RTN4RL1: variants seen among roughly 807,000 people sequenced by gnomAD.
RTN4RL1 encodes the protein reticulon-4 receptor-like 1.
Under a neutral mutation model 25.6 loss-of-function variants are expected in RTN4RL1, and 7 were observed. The ratio of observed to expected loss-of-function variants is 0.27; its 90% CI spans 0.16 to 0.51. RTN4RL1 has a LOEUF of 0.51. Among genes scored for constraint, RTN4RL1 ranks in the 20% least tolerant of loss-of-function variants. RTN4RL1 has a pLI of 0.97. For synonymous variants in RTN4RL1, 297 were observed against 288.2 expected, an observed-to-expected ratio of 1.03 and a Z score of -0.31; for missense variants, 500 against 615.6, an observed-to-expected ratio of 0.81 and a Z score of 1.99.
intron 1 of RTN4RL1, among the ~76,000 whole-genome samples, chr17:1,959,790 C>T (rs1341330949): frequency 6.6e-6 from 1 of 152,154 alleles, no homozygotes; most frequent in Non-Finnish European, 1.5e-5. Flanking sequence ...GTTTCGAACT[C>T]CTGACCTCGT....
intron 1 of RTN4RL1, among the ~76,000 whole-genome samples, chr17:1,968,243 A>G (rs1318603999): frequency 1.3e-5 from 2 of 151,860 alleles, no homozygotes; most frequent in African/African-American, 2.4e-5. Flanking sequence ...GCATTCCCCA[A>G]ATGAAAAGCA....
Position 1,935,970 on chromosome 17 carries a change from G to A in RTN4RL1, c.*526C>T, listed in dbSNP as rs564561012. ...TACCCCCGAGGGAGGGGCTGAAGGT[G>A]GAGTAGGATAGAATTCAGGGCAGGG... is the stretch of plus-strand genomic sequence containing the variant. On this transcript the variant is annotated 3_prime_UTR_variant, in exon 2 of 2. Coordinates refer to ENST00000331238, the MANE Select transcript of RTN4RL1 (RefSeq NM_178568.4). 4.4e-5 allele frequency: 43 copies of A among 985,972 alleles called. No homozygotes were observed. The African/African-American group carries it at 6.6e-4, about 15-fold the overall frequency. 61.1% of individuals were successfully genotyped at this position (985,972 alleles called of 1,614,324 possible).
intron 1 of RTN4RL1, among the ~76,000 whole-genome samples, chr17:1,941,411 C>T (rs1267973530): frequency 6.6e-6 from 1 of 152,136 alleles, no homozygotes; most frequent in African/African-American, 2.4e-5. Context: ...AGGGCAGGAA[C>T]CCTCCTGCCC....
intron 1 of RTN4RL1, among the ~76,000 whole-genome samples, chr17:2,012,582 C>T (rs996515109): frequency 2.6e-5 from 4 of 151,510 alleles, no homozygotes; most frequent in Non-Finnish European, 4.4e-5. Context: ...TTCTCTTTTT[C>T]TCCTTCTCTC....
chr17:1,958,371 C>T (rs1464762047), intron 1 of RTN4RL1, among the ~76,000 whole-genome samples: 4 of 152,338 alleles, frequency 2.6e-5, no homozygotes, highest in Admixed American at 1.3e-4. Flanking sequence ...CCAGGCACCC[C>T]GTCCCCACCT....
intron 1 of RTN4RL1, among the ~76,000 whole-genome samples, chr17:1,983,051 C>CT (rs574037990): frequency 9.3e-4 from 137 of 147,048 alleles, no homozygotes; most frequent in Admixed American, 8.8e-4. Flanking sequence ...TCTTCTTCTT[C>CT]TTTTTTTTTT....
chr17:1,944,202 C>T (rs1025188799), intron 1 of RTN4RL1, among the ~76,000 whole-genome samples: 3 of 152,088 alleles, frequency 2.0e-5, no homozygotes, highest in African/African-American at 7.2e-5. Context: ...CTACCTCGCC[C>T]AGCCCTGGAT....
At position 2,009,445 on chromosome 17, in the gene RTN4RL1, A is replaced by G. The variant is rs972945573; in HGVS notation, c.13+15408T>C. Among the ~76,000 whole-genome samples, 4 of 78,188 alleles carry G rather than the reference A, an allele frequency of 5.1e-5. No homozygotes were observed. The Admixed American group carries it at 6.0e-4, about 12-fold the overall frequency. 51.3% of individuals were successfully genotyped at this position (78,188 alleles called of 152,430 possible). A position where few individuals can be genotyped will look rare whatever the true frequency, so the allele number is the denominator to read the frequency against. On this transcript the variant is annotated intron_variant, in intron 1 of 1. Coordinates refer to ENST00000331238, the MANE Select transcript of RTN4RL1 (RefSeq NM_178568.4). Reference sequence around the variant, plus strand: ...CATCTCTACTAAAAACACAAAAATTAGCTGGGCGTGGTGGTGTGTGCCTGT... The same window carrying G: ...CATCTCTACTAAAAACACAAAAATTGGCTGGGCGTGGTGGTGTGTGCCTGT...
intron 1 of RTN4RL1, among the ~76,000 whole-genome samples, chr17:1,957,232 C>T (rs1319499994): frequency 6.6e-6 from 1 of 152,152 alleles, no homozygotes; most frequent in Non-Finnish European, 1.5e-5. Flanking sequence ...CCTTTCAGAA[C>T]ATTCAGCTCC....
chr17:1,948,617 G>A (rs188200602), intron 1 of RTN4RL1, among the ~76,000 whole-genome samples: 20 of 152,158 alleles, frequency 1.3e-4, no homozygotes, highest in Admixed American at 3.3e-4. Flanking sequence ...GTGGACGGGC[G>A]GACGGGCGGA....
chr17:2,000,854 C>A (rs2066953849), intron 1 of RTN4RL1, among the ~76,000 whole-genome samples: 2 of 151,882 alleles, frequency 1.3e-5, no homozygotes, highest in African/African-American at 2.4e-5. Context: ...GTCCAGCAGC[C>A]TTGGGCAAGG....
intron 1 of RTN4RL1, among the ~76,000 whole-genome samples, chr17:1,963,775 G>A (rs931652039): frequency 1.3e-5 from 2 of 151,832 alleles, no homozygotes; most frequent in African/African-American, 2.4e-5. Flanking sequence ...CTTGTTGCCC[G>A]GGCTGGAGTG....
At chr17:2,005,828 G>A (rs1488824427) in intron 1 of RTN4RL1, among the ~76,000 whole-genome samples, 5 of 136,216 alleles carry the variant, frequency 3.7e-5, no homozygotes, top group African/African-American at 1.4e-4. Context: ...ACAGAGTCTC[G>A]CCGTGTCGCC....
intron 1 of RTN4RL1, among the ~76,000 whole-genome samples, chr17:1,961,541 A>C (rs1002007665): frequency 1.3e-4 from 19 of 151,934 alleles, no homozygotes; most frequent in Non-Finnish European, 2.9e-5. Context: ...AGGGACTGAG[A>C]GGAAAGAAAG....
At chr17:1,960,281 A>G (rs1342271635) in intron 1 of RTN4RL1, among the ~76,000 whole-genome samples, 4 of 128,910 alleles carry the variant, frequency 3.1e-5, no homozygotes, top group African/African-American at 1.2e-4. Flanking sequence ...TTGCAGCCCC[A>G]TCACCACCCA....
intron 1 of RTN4RL1, among the ~76,000 whole-genome samples, chr17:1,997,433 C>T (rs748147798): frequency 6.6e-6 from 1 of 152,222 alleles, no homozygotes; most frequent in Non-Finnish European, 1.5e-5. Context: ...AGTCCAACCA[C>T]GATCTGAAAT....
intron 1 of RTN4RL1, among the ~76,000 whole-genome samples, chr17:2,023,877 A>C (rs1429171087): frequency 6.6e-6 from 1 of 152,088 alleles, no homozygotes; most frequent in African/African-American, 2.4e-5. Flanking sequence ...GGGCCGGGGC[A>C]GCCAGCCGCA....
chr17:1,988,124 A>G lies in RTN4RL1; in HGVS notation c.13+36729T>C, dbSNP rs549905622. On this transcript the variant is annotated intron_variant, in intron 1 of 1. Coordinates refer to ENST00000331238, the MANE Select transcript of RTN4RL1 (RefSeq NM_178568.4). ...TCCATCTCAGAAAAAAAGGAAAAAA[A>G]GGAAAAGAAGGAGGCCGGGCATGGT... 6.6e-5 allele frequency among the ~76,000 whole-genome samples: 10 copies of G among 151,940 alleles called. No individual in the cohort carries two copies. In the East Asian group the frequency reaches 1.2e-3, roughly 18 times the overall value.
At chr17:1,951,048 G>A (rs906369540) in intron 1 of RTN4RL1, among the ~76,000 whole-genome samples, 6 of 151,586 alleles carry the variant, frequency 4.0e-5, no homozygotes, top group South Asian at 2.1e-4. Context: ...GGTGGATCAC[G>A]AGGTCAGGAG....
Sources: allele counts gnomAD v4.1 joint callset (sites outside exome capture counted in the v4.1 genomes callset), GRCh38; gene constraint gnomAD v4.1.1; transcripts MANE v1.5; gene names NCBI Gene and HGNC (gene_info 2026-07-23, HGNC 2026-07-21).